Variants in AP4E1 observed in about 807,000 individuals in gnomAD.
The protein encoded by AP4E1 is AP-4 complex subunit epsilon-1.
Under a neutral mutation model 128.2 loss-of-function variants are expected in AP4E1, and 56 were observed. The ratio of observed to expected loss-of-function variants is 0.44; its 90% CI spans 0.35 to 0.55. AP4E1 has a LOEUF of 0.55. Among genes scored for constraint, AP4E1 ranks in the 20% least tolerant of loss-of-function variants. The pLI is 0.00. For missense variants in AP4E1, 1,324 were observed against 1,307.7 expected (o/e 1.01, Z -0.19); for synonymous variants, 484 against 473.1 (o/e 1.02, Z -0.30).
intron 8 of AP4E1, among the ~76,000 whole-genome samples, chr15:50,938,039 G>A (rs183941990): frequency 9.9e-5 from 15 of 151,872 alleles, no homozygotes; most frequent in South Asian, 2.1e-4. Context: ...GTACTTTTCC[G>A]TTTTTTTTCT....
At chr15:50,942,368 G>T (rs528075107) in intron 10 of AP4E1, among the ~76,000 whole-genome samples, 10 of 152,086 alleles carry the variant, frequency 6.6e-5, no homozygotes, top group Non-Finnish European at 1.3e-4. Flanking sequence ...ATACCAATAG[G>T]AGTCCTGAAT....
At chr15:50,987,597 A>G (rs2064746511) in intron 16 of AP4E1, among the ~76,000 whole-genome samples, 1 of 152,160 alleles carries the variant, frequency 6.6e-6, no homozygotes, top group Admixed American at 6.6e-5. Context: ...TTCAGTTTCC[A>G]TGTAGTTGAG....
chr15:50,929,946 A>ATATAATT (rs2063812112), intron 6 of AP4E1, among the ~76,000 whole-genome samples: 1 of 152,040 alleles, frequency 6.6e-6, no homozygotes. Flanking sequence ...AGGAGTGTGG[A>ATATAATT]TATAATTTCC....
At chr15:50,920,697 C>T (rs748811952) in intron 3 of AP4E1, among the ~76,000 whole-genome samples, 4 of 152,150 alleles carry the variant, frequency 2.6e-5, no homozygotes, top group Non-Finnish European at 4.4e-5. Flanking sequence ...TGCGCCCGGC[C>T]ATTTTATGCC....
At position 51,001,018 on chromosome 15, in the gene AP4E1, A is replaced by G. The variant is rs1162763266; in HGVS notation, c.3096-8A>G. ...TGACATATATCTAATTTTAAAAATT[A>G]TTTTCAGACCATTAAAAATCTCAAG... On this transcript the variant is annotated splice_region_variant and splice_polypyrimidine_tract_variant and intron_variant, in intron 19 of 20. Transcript: ENST00000261842. 1.2e-6 allele frequency: 2 copies of G among 1,604,226 alleles called. No homozygotes were observed. Among genetic ancestry groups the G allele is most frequent in the African/African-American group, 1.3e-5 (1 of 74,670 alleles).
chr15:50,922,186 T>C (rs58137325), intron 3 of AP4E1, among the ~76,000 whole-genome samples: 28,329 of 143,106 alleles, frequency 0.2, 3,509 homozygotes, highest in East Asian at 0.44. Flanking sequence ...AAAAAAAAAT[T>C]AGCTCGGTGT....
chr15:50,923,655 GTCT>G (rs892740270), intron 3 of AP4E1, among the ~76,000 whole-genome samples: 25 of 152,292 alleles, frequency 1.6e-4, no homozygotes, highest in Admixed American at 1.3e-3. Context: ...TAGAAGGCAT[GTCT>G]TCTTAGTGCC....
At chr15:50,949,965 G>A in intron 12 of AP4E1, 27 bp downstream of exon 12, 3 of 1,595,612 alleles carry the variant, frequency 1.9e-6, no homozygotes, top group Non-Finnish European at 2.6e-6. Context: ...ATTCTGTAAA[G>A]TAAACATTTT....
rs770245425 is a variant in AP4E1, at chr15:51,002,513, C to T, written c.3265C>T (p.Leu1089=). ...TTGTTTTGTTTTAGGCAATGAAGGG[C>T]TATTGGCCTGTCAGCTGCTCCCATC... is the stretch of plus-strand genomic sequence containing the variant. ...HIIEIIGNEG[L]LACQLLPSIP... is the part of the protein sequence containing the mutation. Residue 1089 remains leucine, a synonymous_variant, in exon 21 of 21, where the codon CTA becomes TTA. Transcript: ENST00000261842. The T allele has an allele frequency of 4.3e-6, 7 of 1,614,120 alleles. No homozygotes were observed. Among genetic ancestry groups the T allele is most frequent in the Non-Finnish European group, 5.1e-6 (6 of 1,180,008 alleles).
chr15:50,966,074 C>G (rs542466438), intron 14 of AP4E1, among the ~76,000 whole-genome samples: 6 of 152,110 alleles, frequency 3.9e-5, no homozygotes, highest in South Asian at 2.1e-4. Flanking sequence ...CGCGCCACCA[C>G]GCCTGGCTAA....
intron 13 of AP4E1, 99 bp downstream of exon 13, chr15:50,950,268 A>G (rs1196967836): frequency 6.2e-6 from 5 of 806,480 alleles, no homozygotes; most frequent in Admixed American, 2.5e-5. Flanking sequence ...TACTCAGCTA[A>G]CTCCTTCAGC....
chr15:50,999,045 C>G, intron 18 of AP4E1, 27 bp from the exon 19 acceptor site: 3 of 1,610,260 alleles, frequency 1.9e-6, no homozygotes, highest in Non-Finnish European at 2.5e-6. Context: ...CTTCCTTCTT[C>G]AACACTTTTA....
chr15:50,935,658 C>T (rs1050411344), intron 8 of AP4E1, among the ~76,000 whole-genome samples: 7 of 152,102 alleles, frequency 4.6e-5, no homozygotes, highest in African/African-American at 1.4e-4. Flanking sequence ...GGTAAAATAT[C>T]ATGAAGTAGG....
chr15:50,908,582 A>T (rs1306802353), upstream of AP4E1: 1 of 624,410 alleles, frequency 1.6e-6, no homozygotes, highest in Non-Finnish European at 2.4e-6. Flanking sequence ...GGCCTTTTCC[A>T]CCCCCGCGGT....
At chr15:50,976,884 A>G (rs2064559739) in intron 15 of AP4E1, among the ~76,000 whole-genome samples, 1 of 152,204 alleles carries the variant, frequency 6.6e-6, no homozygotes, top group African/African-American at 2.4e-5. Flanking sequence ...GGCACAAATA[A>G]ATGGAAATAC....
intron 17 of AP4E1, among the ~76,000 whole-genome samples, chr15:50,994,785 A>G (rs1334194739): frequency 2.0e-5 from 3 of 152,182 alleles, no homozygotes; most frequent in Admixed American, 2.0e-4. Flanking sequence ...ATTCCTGCCT[A>G]TTTAACAAGT....
intron 3 of AP4E1, among the ~76,000 whole-genome samples, chr15:50,919,324 G>C (rs1209724598): frequency 2.7e-5 from 4 of 150,560 alleles, no homozygotes; most frequent in African/African-American, 9.8e-5. Flanking sequence ...CTTGAGGTCA[G>C]GAGTATGAGA....
chr15:50,944,816 A>G lies in AP4E1; in HGVS notation c.1176+3041A>G, dbSNP rs989859190. The G allele has an allele frequency of 5.7e-6, 4 of 705,528 alleles. No homozygotes were observed. In the African/African-American group the frequency reaches 7.1e-5, roughly 13 times the overall value. The allele number at this position is 705,528 out of a possible 1,614,324, so 43.7% of individuals were successfully genotyped here. A position where few individuals can be genotyped will look rare whatever the true frequency, so the allele number is the denominator to read the frequency against. On this transcript the variant is annotated intron_variant, in intron 10 of 20. Transcript: ENST00000261842. ...CTTTAAATGCTACCAAAATGGAATG[A>G]GTATTTGCAAAACCATTCCTTGCTT... is the stretch of plus-strand genomic sequence containing the variant.
At chr15:50,994,158 C>G (rs928006187) in intron 17 of AP4E1, among the ~76,000 whole-genome samples, 2 of 151,910 alleles carry the variant, frequency 1.3e-5, no homozygotes, top group African/African-American at 4.8e-5. Context: ...TTGTTTATAC[C>G]TAAGGCTGAA....
Sources: gnomAD v4.1 joint callset for allele counts (sites outside exome capture counted in the v4.1 genomes callset) on GRCh38, gnomAD v4.1.1 for gene constraint, MANE v1.5 for transcripts, NCBI Gene and HGNC (gene_info 2026-07-23, HGNC 2026-07-21) for gene names.